Variants in CIITA observed in about 807,000 individuals in gnomAD.
CIITA encodes class II major histocompatibility complex transactivator.
In CIITA, 72 loss-of-function variants were observed where a neutral mutation model predicts 115.1. The observed-to-expected ratio is 0.63, with a 90% CI of 0.52 to 0.76. The LOEUF (loss-of-function observed/expected upper bound fraction) is 0.76. Ranked by LOEUF, CIITA falls within the 30% of genes least tolerant of loss-of-function variation. The pLI, the probability that CIITA is intolerant of heterozygous loss-of-function variation, is 0.00. For synonymous variants in CIITA, 763 were observed against 635.6 expected, an observed-to-expected ratio of 1.20 and a Z score of -3.02; for missense variants, 1,617 against 1,463.8, an observed-to-expected ratio of 1.10 and a Z score of -1.71.
In CIITA at chr16:10,923,221, C is replaced by G. The variant is rs375810829; in HGVS notation, c.3318-7C>G. 8.7e-6 allele frequency: 14 copies of G among 1,612,690 alleles called. No individual in the cohort carries two copies. The highest frequency in any genetic ancestry group is 1.1e-5 in the Non-Finnish European group (13 of 1,179,864). On this transcript the variant is annotated splice_polypyrimidine_tract_variant and splice_region_variant and intron_variant, in intron 18 of 19. Transcript: ENST00000324288. This position sits in a 1 kb window ranked among gnomAD's most constrained non-coding sequence, Gnocchi z 5.2. ...AACCTGGCTCTGAGTCCCATCCCCCCTTGCAGGATGTGGACGCCCACCATC... is the reference window on the plus strand; with the variant it reads ...AACCTGGCTCTGAGTCCCATCCCCCGTTGCAGGATGTGGACGCCCACCATC...
intron 2 of CIITA, 113 bp from the exon 3 acceptor site, chr16:10,895,556 G>C: frequency 6.4e-7 from 1 of 1,556,972 alleles, no homozygotes; most frequent in Non-Finnish European, 8.8e-7. Context: ...ACGTCTGTGG[G>C]ACGCTCTCTG....
At position 10,901,559 on chromosome 16, in the gene CIITA, G is replaced by A; in HGVS notation, c.481+1G>A. ...GCAGACCTGAAGCACTGGAAGCCAG[G>A]TGTGCAGGGCAGGTGGGCTGGGGTT... is the stretch of plus-strand genomic sequence containing the variant. On this transcript the variant is annotated splice_donor_variant, in intron 6 of 19. Transcript: ENST00000324288. LOFTEE classifies it high-confidence loss of function. This position sits in a 1 kb window ranked among gnomAD's most constrained non-coding sequence, Gnocchi z 6.8. The A allele has an allele frequency of 1.2e-6, 2 of 1,613,972 alleles. No homozygotes were observed. The highest frequency in any genetic ancestry group is 1.7e-6 in the Non-Finnish European group (2 of 1,179,982).
chr16:10,906,260 G>C (rs978294887), intron 10 of CIITA, among the ~76,000 whole-genome samples: 9 of 152,070 alleles, frequency 5.9e-5, no homozygotes, highest in African/African-American at 2.2e-4. Context: ...CTTGGGAGGT[G>C]GAGTCAGGAG....
intron 1 of CIITA, among the ~76,000 whole-genome samples, chr16:10,886,705 C>A (rs1313418925): frequency 6.6e-6 from 1 of 152,226 alleles, no homozygotes; most frequent in East Asian, 1.9e-4. Context: ...CTTAGTACCA[C>A]TTACTCGCTA....
In CIITA at chr16:10,929,564, CA is replaced by C. The variant is rs922176773; in HGVS notation, c.*5711del. On this transcript the variant is annotated 3_prime_UTR_variant, in exon 20 of 20. Coordinates refer to ENST00000324288, the MANE Select transcript of CIITA (RefSeq NM_000246.4). The surrounding 1 kb of genome is among the most constrained non-coding windows in gnomAD (Gnocchi z 4.3). The stretch of plus-strand genomic sequence containing the variant: ...AAGCTTTTGAGGGGAGCAGGTCTAA[CA>C]AGAAGGAAAAAGGGGGGTTATTAGC... 2 of 985,162 alleles carry C rather than the reference CA, an allele frequency of 2.0e-6. No homozygotes were observed. The highest frequency in any genetic ancestry group is 6.2e-5 in the Admixed American group (1 of 16,232). The allele number at this position is 985,162 out of a possible 1,614,324, so 61.0% of individuals were successfully genotyped here.
chr16:10,904,913 G>A, intron 10 of CIITA, 101 bp downstream of exon 10: 1 of 1,197,338 alleles, frequency 8.4e-7, no homozygotes. Context: ...CCCCTTCTTT[G>A]TTGGCTCACA....
intron 13 of CIITA, among the ~76,000 whole-genome samples, chr16:10,913,701 A>G (rs2039748039): frequency 6.7e-6 from 1 of 149,966 alleles, no homozygotes; most frequent in South Asian, 2.2e-4. Context: ...GCACTTTGGG[A>G]GGCCGAGGCA....
intron 1 of CIITA, among the ~76,000 whole-genome samples, chr16:10,881,637 G>GA (rs796387102): frequency 4.0e-5 from 6 of 151,896 alleles, no homozygotes; most frequent in Middle Eastern, 3.4e-3. Flanking sequence ...TTTATACATG[G>GA]AAAAAAAAGT....
intron 10 of CIITA, among the ~76,000 whole-genome samples, chr16:10,905,816 C>G (rs7404615): frequency 0.93 from 140,770 of 151,946 alleles, 66,203 homozygotes; most frequent in East Asian, 1. Context: ...ACAAGAGAGA[C>G]GATGAGTGAA....
rs113794926 is a variant in CIITA at position 10,914,977 on chromosome 16, C to T, written c.2889-593C>T. 6.3e-3 allele frequency: 2,818 copies of T among 444,098 alleles called. 72 individuals carry two copies. Among genetic ancestry groups the T allele is most frequent in the African/African-American group, 0.051 (2,500 of 49,214 alleles). The allele number at this position is 444,098 out of a possible 1,614,324, so 27.5% of individuals were successfully genotyped here. A position where few individuals can be genotyped will look rare whatever the true frequency, so the allele number is the denominator to read the frequency against. On this transcript the variant is annotated intron_variant, in intron 13 of 19. Transcript: ENST00000324288. ...CTGTGGATGTTGGGAAGAGTAAGAA[C>T]TGGCTCCCTACTTAGAGACAAAAGC...
chr16:10,890,118 G>A (rs963661306), intron 1 of CIITA, among the ~76,000 whole-genome samples: 14 of 152,124 alleles, frequency 9.2e-5, no homozygotes, highest in African/African-American at 3.4e-4. Flanking sequence ...AGGAAGTGGG[G>A]CGCTGAAATG....
rs958559248 is a variant in CIITA, at chr16:10,906,787, C to T, written c.1295C>T (p.Ala432Val). 2 of 1,611,752 alleles carry T rather than the reference C, an allele frequency of 1.2e-6. No homozygotes were observed. Among genetic ancestry groups the T allele is most frequent in the African/African-American group, 2.7e-5 (2 of 74,926 alleles). The change falls in exon 11 of 20, where the codon GCA becomes GTA. Residue 432 changes from alanine to valine, a missense_variant. By Grantham distance (64) the Ala-to-Val change is moderately conservative. Coordinates refer to ENST00000324288, the MANE Select transcript of CIITA (RefSeq NM_000246.4). ...AGQGKSYWAG[A>V]VSRAWACGRL... ...CAGGGCAAGAGCTATTGGGCTGGGG[C>T]AGTGAGCCGGGCCTGGGCTTGTGGC...
chr16:10,929,420 C>G lies in CIITA; in HGVS notation c.*5565C>G. 1.0e-6 allele frequency: 1 copy of G among 985,896 alleles called. No individual in the cohort carries two copies. The highest frequency in any genetic ancestry group is 1.2e-6 in the Non-Finnish European group (1 of 829,952). The allele number at this position is 985,896 out of a possible 1,614,324, so 61.1% of individuals were successfully genotyped here. A position where few individuals can be genotyped will look rare whatever the true frequency, so the allele number is the denominator to read the frequency against. ...ATTTGACACTGCAGGCAGATGAGGT[C>G]TTGGGATGCCTCTTGCGTTCCCCCT... On this transcript the variant is annotated 3_prime_UTR_variant, in exon 20 of 20. Coordinates refer to ENST00000324288, the MANE Select transcript of CIITA (RefSeq NM_000246.4). The surrounding 1 kb of genome is among the most constrained non-coding windows in gnomAD (Gnocchi z 4.3).
At position 10,929,182 on chromosome 16, in the gene CIITA, G is replaced by A. The variant is rs1435821586; in HGVS notation, c.*5327G>A. The A allele has an allele frequency of 5.4e-5, 53 of 982,768 alleles. No individual in the cohort carries two copies. Among genetic ancestry groups the A allele is most frequent in the Non-Finnish European group, 5.9e-5 (49 of 827,384 alleles). 60.9% of individuals were successfully genotyped at this position (982,768 alleles called of 1,614,324 possible). ...AGTCGCTGCATCTAAGACCAGCCTC[G>A]GGCTAAACCCAGCTGGCCTGAAGGC... is the stretch of plus-strand genomic sequence containing the variant. On this transcript the variant is annotated 3_prime_UTR_variant, in exon 20 of 20. Coordinates refer to ENST00000324288, the MANE Select transcript of CIITA (RefSeq NM_000246.4). This position sits in a 1 kb window ranked among gnomAD's most constrained non-coding sequence, Gnocchi z 4.3.
Position 10,920,803 on chromosome 16 carries a change from C to A in CIITA, c.3150-1364C>A, listed in dbSNP as rs932747802. ...CCCCCATCTAGTTTCTGCACTGGTA[C>A]CGGCCGACCCGTGATGTGAGTTGAT... On this transcript the variant is annotated intron_variant, in intron 16 of 19. Transcript: ENST00000324288. The surrounding 1 kb of genome is among the most constrained non-coding windows in gnomAD (Gnocchi z 4.5). Among the ~76,000 whole-genome samples, 1 of 152,312 alleles carries A rather than the reference C, an allele frequency of 6.6e-6. No homozygotes were observed. Among genetic ancestry groups the A allele is most frequent in the South Asian group, 2.1e-4 (1 of 4,830 alleles).
In CIITA at chr16:10,901,655, G is replaced by T; in HGVS notation, c.481+97G>T. The T allele has an allele frequency of 7.8e-7, 1 of 1,282,608 alleles. No homozygotes were observed. The allele number at this position is 1,282,608 out of a possible 1,614,324, so 79.5% of individuals were successfully genotyped here. ...CTGGCCCAAGTCTGATGGGGATGGT[G>T]CATGGTGCAGCCCCTGCCCTTCTTT... is the stretch of plus-strand genomic sequence containing the variant. On this transcript the variant is annotated intron_variant, in intron 6 of 19. Coordinates refer to ENST00000324288, the MANE Select transcript of CIITA (RefSeq NM_000246.4). This position sits in a 1 kb window ranked among gnomAD's most constrained non-coding sequence, Gnocchi z 6.8.
chr16:10,874,590 G>T (rs1286185210), upstream of CIITA, among the ~76,000 whole-genome samples: 1 of 152,246 alleles, frequency 6.6e-6, no homozygotes, highest in East Asian at 1.9e-4. Context: ...CAGTTTGACG[G>T]ATGTCACTTG....
chr16:10,897,576 G>A (rs1259457230), intron 3 of CIITA, among the ~76,000 whole-genome samples: 1 of 152,144 alleles, frequency 6.6e-6, no homozygotes, highest in African/African-American at 2.4e-5. Context: ...CTCTGCTTCT[G>A]GAAGGTGAAG....
rs2144738107 is a variant in CIITA at position 10,907,812 on chromosome 16, C to T, written c.2320C>T (p.Leu774Phe). The T allele has an allele frequency of 3.1e-6, 5 of 1,614,070 alleles. No individual in the cohort carries two copies. The highest frequency in any genetic ancestry group is 4.2e-6 in the Non-Finnish European group (5 of 1,179,960). Reference protein sequence around the residue: ...QPPARCLGALLGPSAAASVDR... With the variant: ...QPPARCLGALFGPSAAASVDR... ...TCCCGCCCGCTGCCTGGGAGCCCTA[C>T]TCGGGCCATCGGCGGCTGCCTCGGT... is the stretch of plus-strand genomic sequence containing the variant. Residue 774 changes from leucine (L) to phenylalanine (F), a missense_variant, in exon 11 of 20, where the codon CTC becomes TTC. Leu to Phe is a conservative substitution (Grantham distance 22). Coordinates refer to ENST00000324288, the MANE Select transcript of CIITA (RefSeq NM_000246.4). This position sits in a 1 kb window ranked among gnomAD's most constrained non-coding sequence, Gnocchi z 5.0.
Sources: allele counts gnomAD v4.1 joint callset (sites outside exome capture counted in the v4.1 genomes callset), GRCh38; gene constraint gnomAD v4.1.1; non-coding constraint Gnocchi (gnomAD v3.1); transcripts MANE v1.5; gene names NCBI Gene and HGNC (gene_info 2026-07-23, HGNC 2026-07-21).